CREB5: variants seen among roughly 807,000 people sequenced by gnomAD.
The protein encoded by CREB5 is cyclic AMP-responsive element-binding protein 5.
A neutral mutation model predicts 57.1 loss-of-function variants in CREB5; 19 were observed. The ratio of observed to expected loss-of-function variants is 0.33; its 90% CI spans 0.23 to 0.49. CREB5 has a LOEUF of 0.49. CREB5 is among the 20% of genes least tolerant of loss of function. The pLI is 0.99. For synonymous variants in CREB5, 238 were observed against 238.3 expected, an observed-to-expected ratio of 1.00 and a Z score of 0.01; for missense variants, 579 against 671.6, an observed-to-expected ratio of 0.86 and a Z score of 1.52.
chr7:28,497,685 C>T (rs982901560), intron 3 of CREB5, among the ~76,000 whole-genome samples: 11 of 152,150 alleles, frequency 7.2e-5, no homozygotes, highest in Admixed American at 5.9e-4. Flanking sequence ...TTTCTTTGCA[C>T]TTAGAGAACT....
chr7:28,405,204 C>A (rs1156626160), intron 1 of CREB5, among the ~76,000 whole-genome samples: 1 of 152,218 alleles, frequency 6.6e-6, no homozygotes, highest in African/African-American at 2.4e-5. Context: ...GGGATGGAAA[C>A]TTCCCAATGG....
Position 28,809,254 on chromosome 7 carries a change from G to A in CREB5, c.1094G>A (p.Arg365His). 3.1e-6 allele frequency: 5 copies of A among 1,614,146 alleles called. No homozygotes were observed. The highest frequency in any genetic ancestry group is 3.4e-6 in the Non-Finnish European group (4 of 1,180,022). The change falls in exon 9 of 11, where the codon CGC becomes CAC. Residue 365 changes from arginine to histidine, a missense_variant. Arg to His is a conservative substitution (Grantham distance 29). This residue lies in a region of CREB5 where 459 missense variants were observed against 515.7 expected (regional missense o/e 0.89). Transcript: ENST00000357727. The stretch of plus-strand genomic sequence containing the variant: ...CAGCCACCCCAGCCCACAGGGGGGC[G>A]CCGGCGAAGGGTGGTAGACGAGGAT... Reference protein sequence around the residue: ...TIQPPQPTGGRRRRVVDEDPD... With the variant: ...TIQPPQPTGGHRRRVVDEDPD...
intron 1 of CREB5, among the ~76,000 whole-genome samples, chr7:28,423,366 G>A (rs1433846240): frequency 6.6e-6 from 1 of 152,168 alleles, no homozygotes; most frequent in Non-Finnish European, 1.5e-5. Flanking sequence ...CATAGAACTT[G>A]TACCAGGTAA....
intron 1 of CREB5, among the ~76,000 whole-genome samples, chr7:28,323,716 G>A (rs1054363402): frequency 6.6e-6 from 1 of 152,176 alleles, no homozygotes; most frequent in Non-Finnish European, 1.5e-5. Context: ...GGTGGAGAGT[G>A]AGGGATGGTT....
At chr7:28,764,994 C>T (rs529547496) in intron 7 of CREB5, among the ~76,000 whole-genome samples, 3 of 152,268 alleles carry the variant, frequency 2.0e-5, no homozygotes, top group Admixed American at 6.5e-5. Context: ...ATTCATACTC[C>T]AATTCTCTGC....
chr7:28,776,197 G>T (rs1204655862), intron 7 of CREB5, among the ~76,000 whole-genome samples: 1 of 152,110 alleles, frequency 6.6e-6, no homozygotes, highest in East Asian at 1.9e-4. Flanking sequence ...AATTAGCCGG[G>T]TGTGGTGGCG....
intron 5 of CREB5, among the ~76,000 whole-genome samples, chr7:28,575,468 A>G (rs1029917761): frequency 2.0e-5 from 3 of 152,206 alleles, no homozygotes; most frequent in African/African-American, 7.2e-5. Context: ...ATGCGTATGA[A>G]TCTATTTTTA....
At chr7:28,813,388 C>A (rs968942428) in intron 9 of CREB5, among the ~76,000 whole-genome samples, 1 of 152,156 alleles carries the variant, frequency 6.6e-6, no homozygotes, top group Non-Finnish European at 1.5e-5. Flanking sequence ...GAAATAATTG[C>A]TTTTCTTTTT....
chr7:28,648,408 G>A (rs1356061923), intron 5 of CREB5, among the ~76,000 whole-genome samples: 2 of 152,062 alleles, frequency 1.3e-5, no homozygotes, highest in South Asian at 2.1e-4. Context: ...TGCCCTCGAC[G>A]CTGAACCTCT....
At chr7:28,702,773 T>C (rs1048673764) in intron 5 of CREB5, among the ~76,000 whole-genome samples, 2 of 152,206 alleles carry the variant, frequency 1.3e-5, no homozygotes, top group Non-Finnish European at 2.9e-5. Flanking sequence ...CCTTTAACTT[T>C]GTGGTTGCTA....
rs181375285 is a variant in CREB5, at chr7:28,463,970, G to A, written c.4-24205G>A. On this transcript the variant is annotated intron_variant, in intron 1 of 10. Coordinates refer to ENST00000357727, the MANE Select transcript of CREB5 (RefSeq NM_182898.4). ...ACCTTCAGTGAAATAGAAGTAGTGAGAGCTAATATCTTTCTCTTATTCCTG... is the reference window on the plus strand; with the variant it reads ...ACCTTCAGTGAAATAGAAGTAGTGAAAGCTAATATCTTTCTCTTATTCCTG... Among the ~76,000 whole-genome samples the A allele has an allele frequency of 5.0e-4, 76 of 152,206 alleles. No individual in the cohort carries two copies. The Middle Eastern group carries it at 0.01, about 20-fold the overall frequency.
At chr7:28,571,652 T>C (rs1795709621) in intron 5 of CREB5, among the ~76,000 whole-genome samples, 3 of 152,224 alleles carry the variant, frequency 2.0e-5, no homozygotes, top group Non-Finnish European at 4.4e-5. Flanking sequence ...AAGTGTGGTC[T>C]GAGGATCCGC....
chr7:28,524,377 C>T (rs549637583), intron 4 of CREB5, among the ~76,000 whole-genome samples: 2 of 151,086 alleles, frequency 1.3e-5, no homozygotes, highest in African/African-American at 4.9e-5. Context: ...TGTGGTGGCA[C>T]ACATCTAATC....
chr7:28,447,678 C>T lies in CREB5; in HGVS notation c.3+34761C>T, dbSNP rs76904638. ...TGTGGGAAGTGGTGAGGTGGTAATA[C>T]AGCTAGGAGAGCAAGATAAAGAACA... On this transcript the variant is annotated intron_variant, in intron 1 of 10. Coordinates refer to ENST00000357727, the MANE Select transcript of CREB5 (RefSeq NM_182898.4). 2.4e-3 allele frequency among the ~76,000 whole-genome samples: 364 copies of T among 152,176 alleles called. 8 individuals are homozygous for T. In the East Asian group the frequency reaches 0.025, roughly 10 times the overall value.
At chr7:28,445,824 T>G (rs565217990) in intron 1 of CREB5, among the ~76,000 whole-genome samples, 1 of 152,264 alleles carries the variant, frequency 6.6e-6, no homozygotes, top group East Asian at 1.9e-4. Flanking sequence ...GTGCTGGGAT[T>G]ACAGGCGTGA....
chr7:28,737,842 AT>A (rs1804117264), intron 7 of CREB5, among the ~76,000 whole-genome samples: 1 of 152,036 alleles, frequency 6.6e-6, no homozygotes, highest in African/African-American at 2.4e-5. Flanking sequence ...CATGGGAGTT[AT>A]ACAGCTGTTA....
chr7:28,657,825 T>C (rs1482972881), intron 5 of CREB5, among the ~76,000 whole-genome samples: 2 of 152,174 alleles, frequency 1.3e-5, no homozygotes, highest in Non-Finnish European at 2.9e-5. Flanking sequence ...AGCCAGCTGC[T>C]TAGATATATG....
intron 5 of CREB5, chr7:28,609,251 C>T (rs1196994339): frequency 6.6e-6 from 1 of 152,108 alleles, no homozygotes; most frequent in African/African-American, 2.4e-5. Flanking sequence ...TTAGACATGG[C>T]TTAGTTTCTT....
chr7:28,806,878 T>G (rs950835585), intron 8 of CREB5, among the ~76,000 whole-genome samples: 5 of 152,188 alleles, frequency 3.3e-5, no homozygotes, highest in Non-Finnish European at 7.3e-5. Context: ...TTTGAGGGTT[T>G]TGTCTGGGGC....
Sources: gnomAD v4.1 joint callset for allele counts (sites outside exome capture counted in the v4.1 genomes callset) on GRCh38, gnomAD v4.1.1 for gene constraint, gnomAD v4.1.1 regional missense constraint, MANE v1.5 for transcripts, NCBI Gene and HGNC (gene_info 2026-07-23, HGNC 2026-07-21) for gene names.